The following TMEM132E variants were observed in gnomAD, a reference collection of about 807,000 sequenced individuals.
TMEM132E encodes the protein transmembrane protein 132E.
Under a neutral mutation model 78.5 loss-of-function variants are expected in TMEM132E, and 49 were observed. The ratio of observed to expected loss-of-function variants is 0.62; its 90% CI spans 0.50 to 0.79. TMEM132E has a LOEUF of 0.79. TMEM132E is among the 30% of genes least tolerant of loss of function. The pLI is 0.00. For synonymous variants in TMEM132E, 715 were observed against 670.6 expected (o/e 1.07, Z -1.02); for missense variants, 1,403 against 1,470.9 (o/e 0.95, Z 0.75).
chr17:34,627,622 T>C (rs899689428), intron 2 of TMEM132E, among the ~76,000 whole-genome samples: 2 of 152,058 alleles, frequency 1.3e-5, no homozygotes, highest in Non-Finnish European at 2.9e-5. Flanking sequence ...ATGCCTTAAA[T>C]TGTATCACAT....
rs192369609 is a variant in TMEM132E at position 34,600,972 on chromosome 17, G to T, written c.67+19829G>T. ...CTCTCTCCATGTTTGCTCTGGGAGA[G>T]AAGAAGGGCTGGTCTCCACTGGGGA... On this transcript the variant is annotated intron_variant, in intron 1 of 8. Coordinates refer to ENST00000631683, the MANE Select transcript of TMEM132E (RefSeq NM_001304438.2). Among the ~76,000 whole-genome samples, 125 of 152,336 alleles carry T rather than the reference G, an allele frequency of 8.2e-4. 2 individuals are homozygous for T. Among genetic ancestry groups the T allele is most frequent in the Non-Finnish European group, 1.5e-3 (103 of 68,022 alleles).
chr17:34,589,981 T>C (rs1905810892), intron 1 of TMEM132E, among the ~76,000 whole-genome samples: 1 of 152,200 alleles, frequency 6.6e-6, no homozygotes. Context: ...CTCGGCAGGA[T>C]AAAAACTGCC....
Position 34,637,743 on chromosome 17 carries a change from T to G in TMEM132E, c.2736T>G (p.Phe912Leu), listed in dbSNP as rs1460660563. Residue 912 changes from phenylalanine to leucine, a missense_variant, in exon 9 of 9, where the codon TTT becomes TTG. Transcript: ENST00000631683. ...TCTTCCTCATCAACTGCATCGTTTT[T>G]GTGCTGCGCTACCGGCACAAGCGCA... Reference protein sequence around the residue: ...ILVFLINCIVFVLRYRHKRIP... With the variant: ...ILVFLINCIVLVLRYRHKRIP... The G allele has an allele frequency of 1.9e-6, 3 of 1,613,668 alleles. No individual in the cohort carries two copies. Among genetic ancestry groups the G allele is most frequent in the Non-Finnish European group, 8.5e-7 (1 of 1,180,004 alleles).
At chr17:34,587,538 A>G (rs1399207209) in intron 1 of TMEM132E, among the ~76,000 whole-genome samples, 1 of 152,150 alleles carries the variant, frequency 6.6e-6, no homozygotes, top group Admixed American at 6.5e-5. Flanking sequence ...CACTTTGCCC[A>G]GAGACTGAGG....
intron 1 of TMEM132E, among the ~76,000 whole-genome samples, chr17:34,588,309 G>A (rs1448561435): frequency 6.6e-6 from 1 of 152,254 alleles, no homozygotes; most frequent in African/African-American, 2.4e-5. Flanking sequence ...GATTTGCCGT[G>A]GTTTTAATTC....
At chr17:34,619,405 A>C (rs1373160884) in intron 1 of TMEM132E, among the ~76,000 whole-genome samples, 3 of 149,650 alleles carry the variant, frequency 2.0e-5, no homozygotes, top group African/African-American at 7.4e-5. Flanking sequence ...GGAATGCTTC[A>C]TAAATATACA....
intron 1 of TMEM132E, among the ~76,000 whole-genome samples, chr17:34,605,019 C>T (rs1313344272): frequency 6.6e-6 from 1 of 152,208 alleles, no homozygotes; most frequent in East Asian, 1.9e-4. Context: ...GAGACCTCTA[C>T]TTTCTGTAAC....
intron 1 of TMEM132E, among the ~76,000 whole-genome samples, chr17:34,618,256 G>A (rs1035238656): frequency 1.5e-4 from 23 of 152,074 alleles, no homozygotes; most frequent in Non-Finnish European, 8.8e-5. Flanking sequence ...GTTTGTTTTA[G>A]AGACAGGGTC....
At chr17:34,625,362 A>G (rs961768011) in intron 1 of TMEM132E, among the ~76,000 whole-genome samples, 2 of 152,132 alleles carry the variant, frequency 1.3e-5, no homozygotes, top group Non-Finnish European at 1.5e-5. Context: ...GGGAGAAGGG[A>G]GAGAGCTGGA....
intron 1 of TMEM132E, 106 bp downstream of exon 1, chr17:34,581,249 C>G (rs1411934751): frequency 9.4e-7 from 1 of 1,069,032 alleles, no homozygotes; most frequent in East Asian, 3.2e-5. Flanking sequence ...GACTCGCAGC[C>G]GCCACTCCGG....
At chr17:34,623,186 G>T (rs1031191695) in intron 1 of TMEM132E, among the ~76,000 whole-genome samples, 2 of 152,144 alleles carry the variant, frequency 1.3e-5, no homozygotes, top group Non-Finnish European at 2.9e-5. Context: ...GAGGGGATCC[G>T]GGTGGGGCAT....
Position 34,626,243 on chromosome 17 carries a change from C to T in TMEM132E, c.184C>T (p.Arg62Trp), listed in dbSNP as rs1417103068. The T allele has an allele frequency of 3.1e-6, 5 of 1,596,430 alleles. No individual in the cohort carries two copies. Among genetic ancestry groups the T allele is most frequent in the Non-Finnish European group, 4.3e-6 (5 of 1,172,236 alleles). The part of the protein sequence containing the change: ...TRLAFFLREA[R>W]PPSPAVANSS... ...GCTGGCCTTCTTCCTGCGGGAGGCG[C>T]GGCCCCCGTCACCCGCGGTCGCCAA... The change falls in exon 2 of 9, where the codon CGG becomes TGG. Residue 62 changes from arginine to tryptophan, a missense_variant. By Grantham distance (101) the Arg-to-Trp change is moderately radical (BLOSUM62 -3). Coordinates refer to ENST00000631683, the MANE Select transcript of TMEM132E (RefSeq NM_001304438.2).
rs1905411309 is a variant in TMEM132E, at chr17:34,580,110, T to TGGA, written c.-966_-965insGAG. The TGGA allele has an allele frequency of 1.3e-5, 2 of 152,382 alleles. No homozygotes were observed. The highest frequency in any genetic ancestry group is 2.9e-5 in the Non-Finnish European group (2 of 68,188). 9.4% of individuals were successfully genotyped at this position (152,382 alleles called of 1,614,324 possible). A position where few individuals can be genotyped will look rare whatever the true frequency, so the allele number is the denominator to read the frequency against. On this transcript the variant is annotated 5_prime_UTR_variant, in exon 1 of 9. Coordinates refer to ENST00000631683, the MANE Select transcript of TMEM132E (RefSeq NM_001304438.2). ...AGACCTTAGCGGGGTGGCCCGGAGC[T>TGGA]GCCGTGAGCTGCAGGAGCCCCTCTG...
chr17:34,582,609 G>A (rs1426867345), intron 1 of TMEM132E, among the ~76,000 whole-genome samples: 3 of 152,082 alleles, frequency 2.0e-5, no homozygotes, highest in Non-Finnish European at 4.4e-5. Context: ...GGGGGGCGAG[G>A]GTGAGGTGGG....
intron 5 of TMEM132E, among the ~76,000 whole-genome samples, chr17:34,631,128 A>G (rs1333661639): frequency 1.3e-5 from 2 of 152,194 alleles, no homozygotes; most frequent in Admixed American, 1.3e-4. Flanking sequence ...GACAGTTGGA[A>G]TGCAGATGTC....
intron 1 of TMEM132E, among the ~76,000 whole-genome samples, chr17:34,613,839 C>T (rs531921657): frequency 1.3e-5 from 2 of 152,124 alleles, no homozygotes; most frequent in African/African-American, 4.8e-5. Context: ...GTAGTCCAGA[C>T]CCTCTCCCTG....
At chr17:34,607,238 C>T (rs974009188) in intron 1 of TMEM132E, among the ~76,000 whole-genome samples, 2 of 152,160 alleles carry the variant, frequency 1.3e-5, no homozygotes, top group Admixed American at 6.5e-5. Flanking sequence ...GTAAAAGCTG[C>T]GGACCGGGGA....
At chr17:34,621,499 G>A (rs145982501) in intron 1 of TMEM132E, among the ~76,000 whole-genome samples, 302 of 152,200 alleles carry the variant, frequency 2.0e-3, no homozygotes, top group African/African-American at 7.1e-3. Flanking sequence ...TCTGAGATAC[G>A]GAGGGTTAGG....
rs985779147 is a variant in TMEM132E at position 34,580,826 on chromosome 17, C to A, written c.-251C>A. ...CGCGCCTCGCAGATCCTGCAGGGGG[C>A]ACCAGCTGGGGGAGGTGGAGGCTCC... On this transcript the variant is annotated 5_prime_UTR_variant, in exon 1 of 9. Transcript: ENST00000631683. 6.8e-6 allele frequency: 3 copies of A among 444,000 alleles called. No homozygotes were observed. Among genetic ancestry groups the A allele is most frequent in the African/African-American group, 6.2e-5 (3 of 48,224 alleles). 27.5% of individuals were successfully genotyped at this position (444,000 alleles called of 1,614,324 possible).
Sources: gnomAD v4.1 joint callset for allele counts (sites outside exome capture counted in the v4.1 genomes callset) on GRCh38, gnomAD v4.1.1 for gene constraint, MANE v1.5 for transcripts, NCBI Gene and HGNC (gene_info 2026-07-23, HGNC 2026-07-21) for gene names.